UVRAG: variants seen among roughly 807,000 people sequenced by gnomAD.
UVRAG encodes UV radiation resistance-associated gene protein.
In UVRAG, 19 loss-of-function variants were observed where a neutral mutation model predicts 78.0. That is an observed-to-expected ratio of 0.24 (90% CI 0.17 to 0.36). The LOEUF (loss-of-function observed/expected upper bound fraction) is 0.36. Among genes scored for constraint, UVRAG ranks in the 10% least tolerant of loss-of-function variants. The pLI is 1.00. For synonymous variants in UVRAG, 323 were observed against 324.6 expected, an observed-to-expected ratio of 1.00 and a Z score of 0.05; for missense variants, 740 against 853.8, an observed-to-expected ratio of 0.87 and a Z score of 1.66.
At chr11:76,069,086 A>G (rs111534356) in intron 13 of UVRAG, among the ~76,000 whole-genome samples, 1 of 152,258 alleles carries the variant, frequency 6.6e-6, no homozygotes, top group South Asian at 2.1e-4. Context: ...CATCACAACC[A>G]GAAGTAGTAG....
At chr11:75,889,397 C>T (rs1191162672) in intron 5 of UVRAG, among the ~76,000 whole-genome samples, 2 of 152,228 alleles carry the variant, frequency 1.3e-5, no homozygotes, top group South Asian at 2.1e-4. Context: ...TGATTCTTGT[C>T]CTTTTCCTCA....
chr11:76,047,245 T>C (rs1950776346), intron 12 of UVRAG, among the ~76,000 whole-genome samples: 1 of 152,168 alleles, frequency 6.6e-6, no homozygotes, highest in Non-Finnish European at 1.5e-5. Context: ...CACTGGGCCC[T>C]GAAGGGTGGG....
At chr11:75,979,682 C>G (rs574900705) in intron 7 of UVRAG, 1 of 152,778 alleles carries the variant, frequency 6.5e-6, no homozygotes, top group Admixed American at 6.5e-5. Flanking sequence ...GAGCCAGGCG[C>G]GGGATATAAT....
At chr11:76,033,758 T>G (rs377478638) in intron 12 of UVRAG, among the ~76,000 whole-genome samples, 25 of 152,284 alleles carry the variant, frequency 1.6e-4, no homozygotes, top group African/African-American at 6.0e-4. Flanking sequence ...GCCTCACTAA[T>G]AATCAGGAAA....
At chr11:76,103,022 T>C (rs538410920) in intron 13 of UVRAG, among the ~76,000 whole-genome samples, 1 of 152,190 alleles carries the variant, frequency 6.6e-6, no homozygotes, top group Non-Finnish European at 1.5e-5. Context: ...TCCCATTTAC[T>C]TGCTGGCCTT....
At chr11:75,877,610 T>A (rs1375859615) in intron 3 of UVRAG, among the ~76,000 whole-genome samples, 1 of 134,008 alleles carries the variant, frequency 7.5e-6, no homozygotes, top group East Asian at 2.4e-4. Flanking sequence ...GGCGGGGGGC[T>A]GACCCCCCCA....
At chr11:75,930,320 T>C (rs1948207570) in intron 6 of UVRAG, among the ~76,000 whole-genome samples, 2 of 152,220 alleles carry the variant, frequency 1.3e-5, no homozygotes, top group Admixed American at 1.3e-4. Flanking sequence ...TATACTTTTT[T>C]TAAGATCTTA....
At chr11:76,029,797 G>A (rs1050258030) in intron 12 of UVRAG, among the ~76,000 whole-genome samples, 1 of 152,184 alleles carries the variant, frequency 6.6e-6, no homozygotes, top group Admixed American at 6.5e-5. Flanking sequence ...TCTACTGTGG[G>A]TAAATGCTAT....
chr11:75,978,502 C>T lies in UVRAG; in HGVS notation c.700-4885C>T, dbSNP rs184003814. Among the ~76,000 whole-genome samples the T allele has an allele frequency of 2.4e-3, 369 of 152,342 alleles. 1 individual carries two copies. Among genetic ancestry groups the T allele is most frequent in the African/African-American group, 8.5e-3 (355 of 41,576 alleles). Reference sequence around the variant, plus strand: ...CCATCCTCCCCATCACTTTCAGGTACACCAATCAGACATAGATTTGGTCTT... The same window carrying T: ...CCATCCTCCCCATCACTTTCAGGTATACCAATCAGACATAGATTTGGTCTT... On this transcript the variant is annotated intron_variant, in intron 7 of 14. Coordinates refer to ENST00000356136, the MANE Select transcript of UVRAG (RefSeq NM_003369.4).
chr11:76,089,567 A>G (rs955324472), intron 13 of UVRAG, among the ~76,000 whole-genome samples: 1 of 152,206 alleles, frequency 6.6e-6, no homozygotes, highest in Non-Finnish European at 1.5e-5. Context: ...AGATAACTCA[A>G]CCCTAGAGTT....
At chr11:75,926,617 C>T (rs1948111016) in intron 6 of UVRAG, among the ~76,000 whole-genome samples, 1 of 151,994 alleles carries the variant, frequency 6.6e-6, no homozygotes, top group African/African-American at 2.4e-5. Context: ...ATATATTGTC[C>T]AGATCAAGAG....
chr11:76,006,448 C>T (rs1949941062), intron 9 of UVRAG, among the ~76,000 whole-genome samples: 1 of 151,796 alleles, frequency 6.6e-6, no homozygotes. Context: ...TAGCTTGAGC[C>T]TATGAGTTTG....
At chr11:76,006,660 C>CAA (rs762221601) in intron 9 of UVRAG, among the ~76,000 whole-genome samples, 2,944 of 62,152 alleles carry the variant, frequency 0.047, 660 homozygotes, top group Middle Eastern at 0.067. Flanking sequence ...GACCCCGTCT[C>CAA]AAAAAAAAAA....
chr11:75,899,404 A>G (rs939782575), intron 5 of UVRAG, among the ~76,000 whole-genome samples: 1 of 152,156 alleles, frequency 6.6e-6, no homozygotes, highest in African/African-American at 2.4e-5. Flanking sequence ...AGTGCCTGCT[A>G]TGAGACACTA....
At chr11:76,109,603 C>G (rs188441026) in intron 13 of UVRAG, among the ~76,000 whole-genome samples, 1 of 152,310 alleles carries the variant, frequency 6.6e-6, no homozygotes, top group East Asian at 1.9e-4. Flanking sequence ...GAGTCCAGGC[C>G]TCTCATTCCA....
chr11:75,847,984 GA>G, intron 1 of UVRAG, among the ~76,000 whole-genome samples: 1 of 132,704 alleles, frequency 7.5e-6, no homozygotes, highest in South Asian at 2.3e-4. Flanking sequence ...AAAAAAAAAA[GA>G]AAAAAGGATT....
At chr11:76,023,786 A>G (rs2135385680) in intron 12 of UVRAG, among the ~76,000 whole-genome samples, 1 of 152,296 alleles carries the variant, frequency 6.6e-6, no homozygotes, top group East Asian at 1.9e-4. Context: ...GACAATTGAT[A>G]TAAACCTTTG....
At chr11:75,948,307 T>C (rs1401565835) in intron 6 of UVRAG, among the ~76,000 whole-genome samples, 1 of 152,174 alleles carries the variant, frequency 6.6e-6, no homozygotes, top group Non-Finnish European at 1.5e-5. Context: ...CATGGCAGTG[T>C]TCCAAATGGA....
chr11:75,847,768 C>A (rs1180236298), intron 1 of UVRAG, among the ~76,000 whole-genome samples: 3 of 151,368 alleles, frequency 2.0e-5, no homozygotes, highest in Non-Finnish European at 4.4e-5. Context: ...GTCAGGAGAT[C>A]GAGACCATCC....
Sources: allele counts gnomAD v4.1 joint callset (sites outside exome capture counted in the v4.1 genomes callset), GRCh38; gene constraint gnomAD v4.1.1; transcripts MANE v1.5; gene names NCBI Gene and HGNC (gene_info 2026-07-23, HGNC 2026-07-21).